The following SYT7 variants were observed in gnomAD, a reference collection of about 807,000 sequenced individuals.
The protein encoded by SYT7 is synaptotagmin-7.
A neutral mutation model predicts 75.1 loss-of-function variants in SYT7; 29 were observed. That is an observed-to-expected ratio of 0.39 (90% CI 0.29 to 0.53). The LOEUF (loss-of-function observed/expected upper bound fraction) is 0.53. Ranked by LOEUF, SYT7 falls within the 20% of genes least tolerant of loss-of-function variation. SYT7 has a pLI of 0.77. For synonymous variants in SYT7, 376 were observed against 401.7 expected, an observed-to-expected ratio of 0.94 and a Z score of 0.76; for missense variants, 693 against 953.2, an observed-to-expected ratio of 0.73 and a Z score of 3.59.
At chr11:61,528,208 C>A (rs1468493448) in intron 8 of SYT7, 23 bp from the exon 9 acceptor site, 2 of 1,605,634 alleles carry the variant, frequency 1.2e-6, no homozygotes, top group South Asian at 1.1e-5. Flanking sequence ...GAGAGGCCGG[C>A]AGGGTTTGGG....
intron 2 of SYT7, among the ~76,000 whole-genome samples, chr11:61,552,815 C>A (rs533341484): frequency 6.6e-6 from 1 of 152,342 alleles, no homozygotes; most frequent in African/African-American, 2.4e-5. Context: ...CCTTCTCTGG[C>A]CTCTTTCCTC....
At chr11:61,534,141 G>A (rs1005169634) in intron 7 of SYT7, among the ~76,000 whole-genome samples, 1 of 152,332 alleles carries the variant, frequency 6.6e-6, no homozygotes, top group Middle Eastern at 3.4e-3. Context: ...GGGAGGAGGA[G>A]ACGGGGGACC....
chr11:61,561,691 A>G (rs1208956930), intron 1 of SYT7, among the ~76,000 whole-genome samples: 2 of 152,144 alleles, frequency 1.3e-5, no homozygotes, highest in Non-Finnish European at 2.9e-5. Flanking sequence ...TGAAAGAATG[A>G]AGGAGGAAGA....
chr11:61,568,922 T>C (rs1346737884), intron 1 of SYT7, among the ~76,000 whole-genome samples: 2 of 152,204 alleles, frequency 1.3e-5, no homozygotes, highest in African/African-American at 4.8e-5. Context: ...AATAAATGGC[T>C]TGCCCCAAGT....
chr11:61,579,537 G>A (rs370036241), intron 1 of SYT7, among the ~76,000 whole-genome samples: 1 of 152,200 alleles, frequency 6.6e-6, no homozygotes, highest in East Asian at 1.9e-4. Flanking sequence ...GAATCGATGG[G>A]GGGTGGGAGC....
At chr11:61,559,728 C>T (rs923319249) in intron 1 of SYT7, among the ~76,000 whole-genome samples, 1 of 152,116 alleles carries the variant, frequency 6.6e-6, no homozygotes, top group African/African-American at 2.4e-5. Flanking sequence ...AGATCCTTCT[C>T]AAAAACCATC....
chr11:61,581,113 A>ATG (rs958968389), upstream of SYT7: 17 of 209,392 alleles, frequency 8.1e-5, no homozygotes, highest in Non-Finnish European at 1.0e-4. Flanking sequence ...GGCCGTGTGT[A>ATG]TGTGTGTGTG....
At chr11:61,572,541 A>G (rs1234090329) in intron 1 of SYT7, among the ~76,000 whole-genome samples, 1 of 152,114 alleles carries the variant, frequency 6.6e-6, no homozygotes, top group East Asian at 1.9e-4. Context: ...CGGGCAAGAC[A>G]CTCAACCTCT....
intron 1 of SYT7, among the ~76,000 whole-genome samples, chr11:61,579,152 C>A (rs887645): frequency 0.011 from 1,739 of 152,356 alleles, 106 homozygotes; most frequent in Admixed American, 0.098. Context: ...GGCTGCCAGC[C>A]TGGTGGGCGA....
Position 61,523,273 on chromosome 11 carries a change from G to A in SYT7, c.1758C>T (p.Asp586=). Residue 586 remains aspartate, a splice_region_variant and synonymous_variant, in exon 12 of 13, where the codon GAC becomes GAT. Transcript: ENST00000539008. This position sits in a 1 kb window ranked among gnomAD's most constrained non-coding sequence, Gnocchi z 5.0. ...LKAMDIGGTS[D]PYVKVWLMYK... ...ACATCAGCCATACCTTCACGTAGGG[G>A]TCTAGGGGAGGGAGTGGGGAAGGGT... is the stretch of plus-strand genomic sequence containing the variant. 1 of 1,614,118 alleles carries A rather than the reference G, an allele frequency of 6.2e-7. No homozygotes were observed.
upstream of SYT7, among the ~76,000 whole-genome samples, chr11:61,583,451 C>G (rs2064323979): frequency 6.6e-6 from 1 of 152,190 alleles, no homozygotes; most frequent in African/African-American, 2.4e-5. Context: ...ATGCCCCAGG[C>G]TGCCCCTTGC....
In SYT7 at chr11:61,517,503, G is replaced by A. The variant is rs374984899; in HGVS notation, c.*1124C>T. On this transcript the variant is annotated 3_prime_UTR_variant, in exon 13 of 13. Coordinates refer to ENST00000539008, the MANE Select transcript of SYT7 (RefSeq NM_001365809.2). The stretch of plus-strand genomic sequence containing the variant: ...CACGATGAGACGGAATGAATGGAAG[G>A]TCTACAAGCATTGGGGGATGGAGGG... The A allele has an allele frequency of 5.0e-6, 2 of 399,250 alleles. No individual in the cohort carries two copies. Among genetic ancestry groups the A allele is most frequent in the African/African-American group, 4.1e-5 (2 of 48,698 alleles). 24.7% of individuals were successfully genotyped at this position (399,250 alleles called of 1,614,324 possible).
Position 61,551,690 on chromosome 11 carries a change from C to T in SYT7, c.136-227G>A, listed in dbSNP as rs1397113868. On this transcript the variant is annotated intron_variant, in intron 2 of 12. Coordinates refer to ENST00000539008, the MANE Select transcript of SYT7 (RefSeq NM_001365809.2). The surrounding 1 kb of genome is among the most constrained non-coding windows in gnomAD (Gnocchi z 5.3). ...CGGGCTCTAGGACCTGCCCCACCCACCTCGACCCGAACCTCATCCCTGACT... is the reference window on the plus strand; with the variant it reads ...CGGGCTCTAGGACCTGCCCCACCCATCTCGACCCGAACCTCATCCCTGACT... Among the ~76,000 whole-genome samples the T allele has an allele frequency of 2.0e-5, 3 of 152,122 alleles. No individual in the cohort carries two copies. The highest frequency in any genetic ancestry group is 6.5e-5 in the Admixed American group (1 of 15,280).
intron 1 of SYT7, among the ~76,000 whole-genome samples, chr11:61,579,136 A>C (rs949166058): frequency 1.3e-5 from 2 of 152,192 alleles, no homozygotes; most frequent in Admixed American, 1.3e-4. Context: ...AACAGGCCAG[A>C]GGGGAGGCTG....
intron 6 of SYT7, chr11:61,541,064 G>A: frequency 2.0e-6 from 2 of 985,510 alleles, no homozygotes; most frequent in Non-Finnish European, 2.4e-6. Flanking sequence ...GGGCCTCTTC[G>A]GGTGGGGTGT....
rs2062938205 is a variant in SYT7, at chr11:61,538,361, G to GAGAGAGAGAGAC, written c.942-96_942-95insGTCTCTCTCTCT. The GAGAGAGAGAGAC allele has an allele frequency of 3.8e-6, 3 of 780,574 alleles. No homozygotes were observed. The African/African-American group carries it at 5.3e-5, about 14-fold the overall frequency. 48.4% of individuals were successfully genotyped at this position (780,574 alleles called of 1,614,324 possible). A position where few individuals can be genotyped will look rare whatever the true frequency, so the allele number is the denominator to read the frequency against. On this transcript the variant is annotated intron_variant, in intron 6 of 12. Transcript: ENST00000539008. ...GGAGAGAGAGGGAGAGAGAGAGAGA[G>GAGAGAGAGAGAC]AGAGAGAGAGAGAGAGAGAGAGAGA...
chr11:61,540,064 A>T (rs759055075), intron 6 of SYT7: 2 of 152,146 alleles, frequency 1.3e-5, no homozygotes, highest in Non-Finnish European at 2.9e-5. Flanking sequence ...CATTTTTCAG[A>T]TATTCCTTTT....
intron 6 of SYT7, 37 bp from the exon 7 acceptor site, chr11:61,538,303 C>T (rs772940827): frequency 2.1e-5 from 30 of 1,405,878 alleles, no homozygotes; most frequent in South Asian, 2.5e-5. Context: ...CAGGGTGAAA[C>T]GAGGAGGCCC....
In SYT7 at chr11:61,542,468, T is replaced by C. The variant is rs1310470777; in HGVS notation, c.684A>G (p.Gln228=). 3.3e-6 allele frequency: 5 copies of C among 1,533,022 alleles called. No individual in the cohort carries two copies. In the South Asian group the frequency reaches 6.0e-5, roughly 18 times the overall value. 95.0% of individuals were successfully genotyped at this position (1,533,022 alleles called of 1,614,324 possible). A position where few individuals can be genotyped will look rare whatever the true frequency, so the allele number is the denominator to read the frequency against. Residue 228 remains glutamine, a synonymous_variant, in exon 6 of 13, where the codon CAA becomes CAG. Transcript: ENST00000539008. This position sits in a 1 kb window ranked among gnomAD's most constrained non-coding sequence, Gnocchi z 7.8. ...CCCGCTGGTGCTGGCTCAGCGGCTG[T>C]TGCAGGCTCTGCTGCCGCATCAGGG... ...PRTLMRQQSL[Q]QPLSQHQRGR...
Sources: gnomAD v4.1 joint callset for allele counts (sites outside exome capture counted in the v4.1 genomes callset) on GRCh38, gnomAD v4.1.1 for gene constraint, Gnocchi (gnomAD v3.1) non-coding constraint, MANE v1.5 for transcripts, NCBI Gene and HGNC (gene_info 2026-07-23, HGNC 2026-07-21) for gene names.